The following ATG10 variants were observed in gnomAD, a reference collection of about 807,000 sequenced individuals.
ATG10 encodes autophagy related 10.
In ATG10, 30 loss-of-function variants were observed where a neutral mutation model predicts 32.1. The observed-to-expected ratio is 0.94, with a 90% CI of 0.70 to 1.27. The LOEUF is 1.27. Ranked by LOEUF, ATG10 falls within the 50% of genes most tolerant of loss-of-function variation. ATG10 has a pLI of 0.00. For missense variants in ATG10, 233 were observed against 262.3 expected, an observed-to-expected ratio of 0.89 and a Z score of 0.77; for synonymous variants, 87 against 91.5, an observed-to-expected ratio of 0.95 and a Z score of 0.28.
chr5:82,079,516 A>T lies in ATG10; in HGVS notation c.216+20914A>T, dbSNP rs144580806. ...TATCTCCTAGTGCTATCCCTCCCCA[A>T]TCCCCCACCCCACGACAGGCCCCAG... is the stretch of plus-strand genomic sequence containing the variant. On this transcript the variant is annotated intron_variant, in intron 3 of 7. Transcript: ENST00000282185. Among the ~76,000 whole-genome samples the T allele has an allele frequency of 2.6e-5, 4 of 151,668 alleles. No homozygotes were observed. The South Asian group carries it at 8.3e-4, about 32-fold the overall frequency.
At position 82,065,345 on chromosome 5, in the gene ATG10, T is replaced by C. The variant is rs909785480; in HGVS notation, c.216+6743T>C. On this transcript the variant is annotated intron_variant, in intron 3 of 7. Transcript: ENST00000282185. The stretch of plus-strand genomic sequence containing the variant: ...CTACTAAAAAAATACAAAAATTAGC[T>C]GGGCGTGGTGGCAGGTGCCTGTAAT... Among the ~76,000 whole-genome samples, 7 of 151,942 alleles carry C rather than the reference T, an allele frequency of 4.6e-5. No homozygotes were observed. The East Asian group carries it at 1.4e-3, about 29-fold the overall frequency.
intron 3 of ATG10, among the ~76,000 whole-genome samples, chr5:82,062,553 A>G (rs536055830): frequency 6.6e-6 from 1 of 152,212 alleles, no homozygotes; most frequent in Non-Finnish European, 1.5e-5. Flanking sequence ...TGCTATTATT[A>G]ATACTAATAA....
At chr5:82,049,119 T>C (rs1319232542) in intron 2 of ATG10, among the ~76,000 whole-genome samples, 5 of 151,616 alleles carry the variant, frequency 3.3e-5, no homozygotes, top group Non-Finnish European at 2.9e-5. Flanking sequence ...TGCGGCATTA[T>C]TCACAATAGC....
At chr5:82,062,051 A>G (rs1197024381) in intron 3 of ATG10, among the ~76,000 whole-genome samples, 1 of 151,854 alleles carries the variant, frequency 6.6e-6, no homozygotes, top group Non-Finnish European at 1.5e-5. Context: ...GCTTGTCTCA[A>G]AGTCCTGGCC....
chr5:82,015,449 C>T (rs1427488054), intron 2 of ATG10, among the ~76,000 whole-genome samples: 1 of 152,234 alleles, frequency 6.6e-6, no homozygotes, highest in African/African-American at 2.4e-5. Context: ...TTCTCCCCGT[C>T]ACTTTCAGGT....
intron 5 of ATG10, among the ~76,000 whole-genome samples, chr5:82,203,226 TAA>T (rs879830876): frequency 1.9e-4 from 26 of 135,484 alleles, no homozygotes; most frequent in Admixed American, 3.7e-4. Context: ...AGACTCCATC[TAA>T]AAAAAAAAAA....
intron 5 of ATG10, among the ~76,000 whole-genome samples, chr5:82,205,199 G>T (rs1745243451): frequency 6.6e-6 from 1 of 152,180 alleles, no homozygotes; most frequent in Non-Finnish European, 1.5e-5. Context: ...TGCCCATTGG[G>T]TTCAGCAACA....
At chr5:82,121,664 A>G (rs1484706184) in intron 3 of ATG10, among the ~76,000 whole-genome samples, 1 of 152,140 alleles carries the variant, frequency 6.6e-6, no homozygotes, top group Non-Finnish European at 1.5e-5. Context: ...TGATAGTTTT[A>G]AACATGAAGG....
At chr5:82,180,447 GA>G (rs1744188096) in intron 5 of ATG10, among the ~76,000 whole-genome samples, 1 of 152,162 alleles carries the variant, frequency 6.6e-6, no homozygotes, top group Non-Finnish European at 1.5e-5. Context: ...GTGCTGTGAA[GA>G]AGGATAATGT....
chr5:82,079,391 A>G (rs1764393022), intron 3 of ATG10, among the ~76,000 whole-genome samples: 1 of 151,830 alleles, frequency 6.6e-6, no homozygotes, highest in African/African-American at 2.4e-5. Flanking sequence ...ATATACTTTA[A>G]GTTCTAGGGT....
intron 3 of ATG10, among the ~76,000 whole-genome samples, chr5:82,137,606 C>T (rs1766817595): frequency 6.6e-6 from 1 of 152,166 alleles, no homozygotes; most frequent in African/African-American, 2.4e-5. Flanking sequence ...CAGAGGGCCA[C>T]CTGTCAGATG....
At chr5:82,115,853 A>G (rs1217029979) in intron 3 of ATG10, among the ~76,000 whole-genome samples, 2 of 152,112 alleles carry the variant, frequency 1.3e-5, no homozygotes, top group African/African-American at 4.8e-5. Context: ...TACAAGTAGT[A>G]GCTTGGGAAA....
chr5:82,129,076 A>T (rs892698137), intron 3 of ATG10, among the ~76,000 whole-genome samples: 2 of 151,432 alleles, frequency 1.3e-5, no homozygotes, highest in Non-Finnish European at 1.5e-5. Flanking sequence ...TCTTGTCTTC[A>T]TGCTTTATTT....
chr5:82,013,985 T>C (rs1009054177), intron 2 of ATG10, among the ~76,000 whole-genome samples: 2 of 152,240 alleles, frequency 1.3e-5, no homozygotes, highest in African/African-American at 4.8e-5. Flanking sequence ...AATTTCTCTC[T>C]ACACACTGCT....
intron 2 of ATG10, among the ~76,000 whole-genome samples, chr5:82,021,604 C>T (rs978620804): frequency 9.9e-5 from 15 of 152,156 alleles, no homozygotes; most frequent in East Asian, 3.8e-4. Context: ...TTTTATCAGC[C>T]GGGCGTGGTG....
chr5:82,017,682 T>TAGAAGA (rs1762327176), intron 2 of ATG10, among the ~76,000 whole-genome samples: 3 of 152,186 alleles, frequency 2.0e-5, no homozygotes, highest in African/African-American at 7.2e-5. Context: ...TAGTAAAATT[T>TAGAAGA]CTTTTCTTAT....
At chr5:82,098,140 T>C (rs1054357730) in intron 3 of ATG10, among the ~76,000 whole-genome samples, 1 of 152,160 alleles carries the variant, frequency 6.6e-6, no homozygotes, top group Non-Finnish European at 1.5e-5. Context: ...TGTTAGGTAC[T>C]TTTAATTTAG....
At chr5:82,122,225 A>G (rs1766072108) in intron 3 of ATG10, among the ~76,000 whole-genome samples, 2 of 152,010 alleles carry the variant, frequency 1.3e-5, no homozygotes, top group South Asian at 4.1e-4. Context: ...GGGAGGGTAT[A>G]TGATCTTTGA....
At chr5:81,992,709 TA>T (rs1289452147) in intron 2 of ATG10, among the ~76,000 whole-genome samples, 1 of 152,196 alleles carries the variant, frequency 6.6e-6, no homozygotes, top group African/African-American at 2.4e-5. Context: ...TGGCCCATTT[TA>T]TTTTTTTTGA....
Sources: gnomAD v4.1 joint callset for allele counts (sites outside exome capture counted in the v4.1 genomes callset) on GRCh38, gnomAD v4.1.1 for gene constraint, MANE v1.5 for transcripts, NCBI Gene and HGNC (gene_info 2026-07-23, HGNC 2026-07-21) for gene names.